The following EPC1 variants were observed in gnomAD, a reference collection of about 807,000 sequenced individuals.
EPC1 encodes the protein enhancer of polycomb 1, also known as enhancer of polycomb homolog 1.
Under a neutral mutation model 98.4 loss-of-function variants are expected in EPC1, and 12 were observed. The ratio of observed to expected loss-of-function variants is 0.12; its 90% confidence interval spans 0.08 to 0.20. EPC1 has a LOEUF of 0.20. EPC1 is among the 10% of genes least tolerant of loss of function. EPC1 has a pLI of 1.00. For synonymous variants in EPC1, 357 were observed against 363.9 expected (o/e 0.98, Z 0.21); for missense variants, 729 against 990.5 (o/e 0.74, Z 3.54).
At chr10:32,282,249 G>A (rs1286289444) in intron 10 of EPC1, 1 of 152,170 alleles carries the variant, frequency 6.6e-6, no homozygotes, top group Non-Finnish European at 1.5e-5. Flanking sequence ...GTAGTATTGA[G>A]GCTGGGTGCA....
In EPC1 at chr10:32,346,894, C is replaced by T; in HGVS notation, c.22G>A (p.Ala8Thr). 1 of 1,614,048 alleles carries T rather than the reference C, an allele frequency of 6.2e-7. No homozygotes were observed. Residue 8 changes from alanine (A) to threonine (T), a missense_variant, in exon 1 of 14, where the codon GCG becomes ACG. Ala to Thr is a moderately conservative substitution (Grantham distance 58). Transcript: ENST00000319778. MSKLSFR[A>T]RALDASKPLP... ...GGCTTCGAGGCGTCTAGCGCCCGCG[C>T]CCGAAACGACAGTTTACTCATCTCA...
intron 1 of EPC1, among the ~76,000 whole-genome samples, chr10:32,317,564 C>G (rs1262917708): frequency 1.3e-5 from 2 of 152,048 alleles, no homozygotes; most frequent in African/African-American, 4.8e-5. Flanking sequence ...CTTGCTTGAG[C>G]CTGGGAGGTG....
chr10:32,328,334 C>A (rs1837426289), intron 1 of EPC1, among the ~76,000 whole-genome samples: 1 of 152,096 alleles, frequency 6.6e-6, no homozygotes, highest in Non-Finnish European at 1.5e-5. Flanking sequence ...TTACCGGTAG[C>A]AGCGTTTATA....
At chr10:32,320,383 T>C (rs557000530) in intron 1 of EPC1, among the ~76,000 whole-genome samples, 2 of 152,324 alleles carry the variant, frequency 1.3e-5, no homozygotes, top group South Asian at 2.1e-4. Context: ...AGTTTCAGAA[T>C]ACTGTTCTCT....
intron 2 of EPC1, among the ~76,000 whole-genome samples, chr10:32,304,009 T>A (rs375697954): frequency 6.6e-6 from 1 of 152,228 alleles, no homozygotes; most frequent in Admixed American, 6.5e-5. Flanking sequence ...AAAGTATACA[T>A]CTTTCCAAAG....
intron 1 of EPC1, among the ~76,000 whole-genome samples, chr10:32,338,968 A>G (rs1190698788): frequency 6.6e-6 from 1 of 151,262 alleles, no homozygotes; most frequent in Non-Finnish European, 1.5e-5. Context: ...TAAATAAAAT[A>G]ATAAAAATAA....
chr10:32,307,036 T>A (rs1564537859), intron 1 of EPC1, among the ~76,000 whole-genome samples: 1 of 152,224 alleles, frequency 6.6e-6, no homozygotes, highest in South Asian at 2.1e-4. Flanking sequence ...TATATATTCC[T>A]ATATAAATGG....
At position 32,293,594 on chromosome 10, in the gene EPC1, G is replaced by C; in HGVS notation, c.457C>G (p.Gln153Glu). 2 of 1,612,658 alleles carry C rather than the reference G, an allele frequency of 1.2e-6. No homozygotes were observed. Among genetic ancestry groups the C allele is most frequent in the Non-Finnish European group, 1.7e-6 (2 of 1,179,400 alleles). Residue 153 changes from glutamine (Q) to glutamate (E), a missense_variant and splice_region_variant, in exon 3 of 14, where the codon CAG becomes GAG. Physicochemically the swap from Gln to Glu is conservative, Grantham distance 29. This residue lies in a region of EPC1 where 94 missense variants were observed against 125.1 expected (regional missense o/e 0.75). Transcript: ENST00000319778. ...IDRLEKGSGQQPVSLQEAKLL... is the reference protein window; with the variant it reads ...IDRLEKGSGQEPVSLQEAKLL... Reference sequence around the variant, plus strand: ...GTTATATACAAATGAAGTTGTACCTGCTGACCACTGCCTTTTTCTAGGCGG... The same window carrying C: ...GTTATATACAAATGAAGTTGTACCTCCTGACCACTGCCTTTTTCTAGGCGG...
At chr10:32,316,597 CA>C (rs1224533520) in intron 1 of EPC1, among the ~76,000 whole-genome samples, 1 of 152,080 alleles carries the variant, frequency 6.6e-6, no homozygotes, top group South Asian at 2.1e-4. Flanking sequence ...TCTCAACTGG[CA>C]AAAATAATCT....
intron 10 of EPC1, among the ~76,000 whole-genome samples, chr10:32,274,630 T>C (rs1307844078): frequency 6.6e-6 from 1 of 152,178 alleles, no homozygotes; most frequent in African/African-American, 2.4e-5. Flanking sequence ...TCTTATTTTC[T>C]GTGTGTGTTA....
intron 1 of EPC1, among the ~76,000 whole-genome samples, chr10:32,336,713 T>A (rs539932282): frequency 5.5e-4 from 83 of 152,110 alleles, no homozygotes; most frequent in Non-Finnish European, 1.1e-3. Context: ...ACGACTGACA[T>A]GCATCTTTTC....
chr10:32,293,547 T>A, intron 3 of EPC1, 45 bp downstream of exon 3: 1 of 1,563,662 alleles, frequency 6.4e-7, no homozygotes, highest in Non-Finnish European at 8.7e-7. Flanking sequence ...TACAGTTCTT[T>A]ACATAGAATA....
chr10:32,326,250 G>A (rs977463035), intron 1 of EPC1, among the ~76,000 whole-genome samples: 3 of 152,070 alleles, frequency 2.0e-5, no homozygotes, highest in African/African-American at 4.8e-5. Flanking sequence ...TCTGGCTGTC[G>A]TGTGGCTGGG....
intron 1 of EPC1, among the ~76,000 whole-genome samples, chr10:32,319,067 TC>T (rs1279919616): frequency 2.6e-5 from 4 of 152,232 alleles, no homozygotes; most frequent in Admixed American, 1.3e-4. Context: ...TATGTACTGT[TC>T]CCTGCCTCTA....
intron 1 of EPC1, among the ~76,000 whole-genome samples, chr10:32,337,914 C>T (rs1838075070): frequency 1.3e-5 from 2 of 152,172 alleles, no homozygotes; most frequent in Non-Finnish European, 2.9e-5. Flanking sequence ...CATAGTTAAC[C>T]AATGTCCTTC....
intron 1 of EPC1, among the ~76,000 whole-genome samples, chr10:32,370,062 A>G (rs1839704548): frequency 1.3e-5 from 2 of 152,240 alleles, no homozygotes; most frequent in Admixed American, 1.3e-4. Flanking sequence ...TATAAGCTAA[A>G]AACTTTTTAT....
At chr10:32,271,393 T>C (rs1260727712) in intron 13 of EPC1, among the ~76,000 whole-genome samples, 161 bp downstream of exon 13, 1 of 152,224 alleles carries the variant, frequency 6.6e-6, no homozygotes, top group Non-Finnish European at 1.5e-5. Flanking sequence ...GTTCAAGAAC[T>C]GTTTAGTTCT....
In EPC1 at chr10:32,291,294, T is replaced by A; in HGVS notation, c.844A>T (p.Ile282Phe). The part of the protein sequence containing the change: ...RYNLGDYNGE[I>F]MSEVMAQRQP... ...CTCTGTGCCATAACCTCAGACATGA[T>A]CTCTCCATTGTAGTCGCCCAAATTA... The change falls in exon 6 of 14, where the codon ATC becomes TTC. Residue 282 changes from isoleucine (I) to phenylalanine (F), a missense_variant. By Grantham distance (21) the Ile-to-Phe change is conservative. This residue lies in a region of EPC1 where 390 missense variants were observed against 438.6 expected (regional missense o/e 0.89). Transcript: ENST00000319778. The A allele has an allele frequency of 6.2e-7, 1 of 1,613,854 alleles. No homozygotes were observed. The highest frequency in any genetic ancestry group is 8.5e-7 in the Non-Finnish European group (1 of 1,179,838).
intron 1 of EPC1, among the ~76,000 whole-genome samples, chr10:32,370,290 C>T (rs1839710108): frequency 6.6e-6 from 1 of 151,988 alleles, no homozygotes; most frequent in Non-Finnish European, 1.5e-5. Flanking sequence ...CCCTCACCTC[C>T]TAGGAGATGG....
Sources: allele counts gnomAD v4.1 joint callset (sites outside exome capture counted in the v4.1 genomes callset), GRCh38; gene constraint gnomAD v4.1.1; regional missense constraint gnomAD v4.1.1; transcripts MANE v1.5; gene names NCBI Gene and HGNC (gene_info 2026-07-23, HGNC 2026-07-21).